Variants in SYT1 observed in about 807,000 individuals in gnomAD.
SYT1 encodes synaptotagmin-1.
SYT1 carries 8 observed loss-of-function variants against 44.8 expected under a neutral mutation model. That is an observed-to-expected ratio of 0.18 (90% CI 0.10 to 0.32). The LOEUF (loss-of-function observed/expected upper bound fraction) is 0.32, where lower values mean the gene tolerates loss of function less well. SYT1 is among the 10% of genes least tolerant of loss of function. SYT1 has a pLI of 1.00. For missense variants in SYT1, 286 were observed against 509.3 expected, an observed-to-expected ratio of 0.56 and a Z score of 4.22; for synonymous variants, 154 against 188.8, an observed-to-expected ratio of 0.82 and a Z score of 1.51.
intron 8 of SYT1, among the ~76,000 whole-genome samples, chr12:79,313,619 CAAAAT>C (rs1880920928): frequency 1.6e-5 from 2 of 123,822 alleles, no homozygotes; most frequent in African/African-American, 6.3e-5. Flanking sequence ...AAAAAAAAAA[CAAAAT>C]AAAAGATAGA....
At chr12:78,919,195 T>A (rs1046555251) in intron 1 of SYT1, among the ~76,000 whole-genome samples, 11 of 152,090 alleles carry the variant, frequency 7.2e-5, no homozygotes, top group African/African-American at 1.9e-4. Flanking sequence ...TAAATTTTTT[T>A]TAAAAAAAGT....
chr12:78,931,238 A>AGAAAGAAAGAAAG lies in SYT1; in HGVS notation c.-216-46558_-216-46557insAGAAAGAAAGGAA, dbSNP rs1877667216. 7.3e-5 allele frequency among the ~76,000 whole-genome samples: 3 copies of AGAAAGAAAGAAAG among 41,120 alleles called. 1 individual carries two copies. The highest frequency in any genetic ancestry group is 3.4e-4 in the African/African-American group (3 of 8,820). The allele number at this position is 41,120 out of a possible 152,430, so 27.0% of individuals were successfully genotyped here. ...AAGAAAGAAAGAAAGAAAGAAAGAA[A>AGAAAGAAAGAAAG]GAAGGAAGGAAGGAAGGAAGGAAGG... On this transcript the variant is annotated intron_variant, in intron 1 of 10. Transcript: ENST00000261205.
chr12:79,430,130 G>A (rs990650355), intron 9 of SYT1, among the ~76,000 whole-genome samples: 2 of 152,102 alleles, frequency 1.3e-5, no homozygotes, highest in Non-Finnish European at 2.9e-5. Flanking sequence ...TGTAGAGGTG[G>A]AAGGAGAAAA....
At chr12:78,970,122 G>A (rs1868340867) in intron 1 of SYT1, among the ~76,000 whole-genome samples, 1 of 152,158 alleles carries the variant, frequency 6.6e-6, no homozygotes, top group African/African-American at 2.4e-5. Context: ...AGAGAAAAAG[G>A]TGAGTTGCTG....
At chr12:79,222,940 A>G (rs1215911619) in intron 4 of SYT1, among the ~76,000 whole-genome samples, 1 of 151,106 alleles carries the variant, frequency 6.6e-6, no homozygotes, top group Non-Finnish European at 1.5e-5. Flanking sequence ...TCCACTTTTC[A>G]TTTCATTCAT....
intron 3 of SYT1, among the ~76,000 whole-genome samples, chr12:79,156,935 C>T (rs1451312250): frequency 6.6e-6 from 1 of 152,126 alleles, no homozygotes; most frequent in Non-Finnish European, 1.5e-5. Context: ...CCTTTCCCCT[C>T]ACCAATACAG....
chr12:78,931,165 GAAAGAAAGAAAGAA>G (rs1403442334), intron 1 of SYT1, among the ~76,000 whole-genome samples: 15 of 123,794 alleles, frequency 1.2e-4, no homozygotes, highest in Admixed American at 2.7e-4. Context: ...TCTGTGGAAA[GAAAGAAAGAAAGAA>G]AAAGAAAGAA....
chr12:78,910,035 C>T (rs1437341711), intron 1 of SYT1, among the ~76,000 whole-genome samples: 2 of 151,954 alleles, frequency 1.3e-5, no homozygotes, highest in Non-Finnish European at 2.9e-5. Flanking sequence ...AGCCCCCAAC[C>T]CTGTTGTTTC....
intron 1 of SYT1, among the ~76,000 whole-genome samples, chr12:78,945,531 G>A (rs1232210929): frequency 6.7e-6 from 1 of 148,394 alleles, no homozygotes; most frequent in Non-Finnish European, 1.5e-5. Flanking sequence ...CACAATTTTA[G>A]GTTAACCAAT....
intron 3 of SYT1, among the ~76,000 whole-genome samples, chr12:79,113,385 A>C (rs770974737): frequency 6.6e-6 from 1 of 152,290 alleles, no homozygotes; most frequent in Admixed American, 6.5e-5. Context: ...AATGATAACT[A>C]TCTTATACTA....
chr12:79,178,973 TAG>T lies in SYT1; in HGVS notation c.-17-38528_-17-38527del, dbSNP rs1565840957. ...AGATATAGATATAGATATAGATATA[TAG>T]ATATAGATATATCTATATAGATATA... On this transcript the variant is annotated intron_variant, in intron 3 of 10. Transcript: ENST00000261205. Among the ~76,000 whole-genome samples the T allele has an allele frequency of 2.9e-5, 3 of 101,730 alleles. 1 individual carries two copies. The highest frequency in any genetic ancestry group is 4.3e-5 in the African/African-American group (1 of 23,092). 66.7% of individuals were successfully genotyped at this position (101,730 alleles called of 152,430 possible).
At chr12:78,888,455 T>C (rs1260313421) in intron 1 of SYT1, among the ~76,000 whole-genome samples, 2 of 151,968 alleles carry the variant, frequency 1.3e-5, no homozygotes, top group Non-Finnish European at 2.9e-5. Flanking sequence ...AGACATTTTA[T>C]GCAATCATTT....
chr12:79,352,688 T>G (rs1429563318), intron 8 of SYT1, among the ~76,000 whole-genome samples: 1 of 151,952 alleles, frequency 6.6e-6, no homozygotes, highest in Non-Finnish European at 1.5e-5. Flanking sequence ...TCAGTAGGAG[T>G]CTTTTCCGAA....
chr12:79,036,037 C>T (rs1393797507), intron 2 of SYT1, among the ~76,000 whole-genome samples: 3 of 151,556 alleles, frequency 2.0e-5, no homozygotes, highest in Non-Finnish European at 4.4e-5. Context: ...TGGCAGCTGC[C>T]AATCAACATT....
intron 2 of SYT1, among the ~76,000 whole-genome samples, chr12:79,002,633 C>A (rs1022749369): frequency 6.6e-6 from 1 of 151,954 alleles, no homozygotes; most frequent in African/African-American, 2.4e-5. Flanking sequence ...AACTCTTGCC[C>A]TGAGCTTATT....
intron 1 of SYT1, among the ~76,000 whole-genome samples, chr12:78,901,316 T>G (rs374241809): frequency 6.6e-6 from 1 of 152,144 alleles, no homozygotes; most frequent in African/African-American, 2.4e-5. Context: ...CCATGAATGA[T>G]GAAGATTAGT....
At chr12:79,257,730 G>A (rs147896289) in intron 4 of SYT1, among the ~76,000 whole-genome samples, 1 of 152,196 alleles carries the variant, frequency 6.6e-6, no homozygotes, top group Admixed American at 6.5e-5. Flanking sequence ...CTGGTGATCC[G>A]CTCGCCTCGG....
At chr12:78,994,576 G>A (rs566543363) in intron 2 of SYT1, among the ~76,000 whole-genome samples, 53 of 121,330 alleles carry the variant, frequency 4.4e-4, no homozygotes, top group Admixed American at 3.2e-3. Context: ...TCACTCTGTC[G>A]TCAGGCTGGA....
chr12:79,022,645 G>T (rs1296263561), intron 2 of SYT1, among the ~76,000 whole-genome samples: 3 of 149,482 alleles, frequency 2.0e-5, no homozygotes, highest in African/African-American at 7.4e-5. Context: ...ACATGTTAGA[G>T]GTTTATTGTT....
Sources: allele counts gnomAD v4.1 joint callset (sites outside exome capture counted in the v4.1 genomes callset), GRCh38; gene constraint gnomAD v4.1.1; transcripts MANE v1.5; gene names NCBI Gene and HGNC (gene_info 2026-07-23, HGNC 2026-07-21).